The following SNX29 variants were observed in gnomAD, a reference collection of about 807,000 sequenced individuals.
SNX29 encodes sorting nexin-29.
SNX29 carries 78 observed loss-of-function variants against 102.1 expected under a neutral mutation model. The observed-to-expected ratio is 0.76, with a 90% CI of 0.64 to 0.92. SNX29 has a LOEUF of 0.92. SNX29 is among the 40% of genes least tolerant of loss of function. The pLI is 0.00. For missense variants in SNX29, 1,280 were observed against 1,061.7 expected (o/e 1.21, Z -2.86); for synonymous variants, 580 against 414.5 (o/e 1.40, Z -4.85).
chr16:12,542,627 C>G (rs2077393219), intron 20 of SNX29, among the ~76,000 whole-genome samples: 1 of 152,218 alleles, frequency 6.6e-6, no homozygotes, highest in South Asian at 2.1e-4. Context: ...CCACGGCACC[C>G]AGTGTGGGTC....
chr16:12,512,268 G>C (rs2089653666), intron 19 of SNX29, among the ~76,000 whole-genome samples: 1 of 150,114 alleles, frequency 6.7e-6, no homozygotes, highest in Admixed American at 6.7e-5. Flanking sequence ...GGTGCGGCTG[G>C]AGAGGCAGGT....
chr16:12,426,637 A>G (rs1366434309), intron 18 of SNX29, among the ~76,000 whole-genome samples: 1 of 152,222 alleles, frequency 6.6e-6, no homozygotes, highest in Non-Finnish European at 1.5e-5. Context: ...GGTGAATTTT[A>G]TGGTATGTGA....
In SNX29 at chr16:12,282,972, A is replaced by T. The variant is rs373639948; in HGVS notation, c.1782+4936A>T. 8.1e-4 allele frequency among the ~76,000 whole-genome samples: 124 copies of T among 152,296 alleles called. 4 individuals carry two copies. In the South Asian group the frequency reaches 0.025, roughly 31 times the overall value. Reference sequence around the variant, plus strand: ...GCACTCGGCCCACAGTTAAGTCTTAACTAGAGCTCAGAGCAACCTGGTAGA... The same window carrying T: ...GCACTCGGCCCACAGTTAAGTCTTATCTAGAGCTCAGAGCAACCTGGTAGA... On this transcript the variant is annotated intron_variant, in intron 15 of 20. Transcript: ENST00000566228.
intron 3 of SNX29, among the ~76,000 whole-genome samples, chr16:12,024,059 C>A (rs868428273): frequency 6.6e-6 from 1 of 151,902 alleles, no homozygotes; most frequent in Non-Finnish European, 1.5e-5. Context: ...GAGTGGCGAG[C>A]GCTGCAGTAC....
chr16:11,988,651 C>G (rs973210435), intron 1 of SNX29, among the ~76,000 whole-genome samples: 2 of 152,104 alleles, frequency 1.3e-5, no homozygotes, highest in East Asian at 3.9e-4. Flanking sequence ...TCCCTTGTCT[C>G]TACCTCCCAA....
chr16:12,074,543 C>T (rs1173802859), intron 10 of SNX29, among the ~76,000 whole-genome samples: 2 of 152,238 alleles, frequency 1.3e-5, no homozygotes, highest in African/African-American at 4.8e-5. Context: ...CACTGTTAGT[C>T]TGATGGGCTT....
chr16:12,549,102 C>T (rs897499778), intron 20 of SNX29, among the ~76,000 whole-genome samples: 2 of 152,184 alleles, frequency 1.3e-5, no homozygotes, highest in Non-Finnish European at 2.9e-5. Context: ...AGTGTCATTT[C>T]TTGGGGACAT....
At chr16:11,985,284 C>T (rs534970861) in intron 1 of SNX29, among the ~76,000 whole-genome samples, 1 of 152,236 alleles carries the variant, frequency 6.6e-6, no homozygotes, top group South Asian at 2.1e-4. Flanking sequence ...TATCACTTAT[C>T]AAAAGGTTGT....
intron 15 of SNX29, among the ~76,000 whole-genome samples, chr16:12,304,552 C>T (rs1488952568): frequency 3.3e-5 from 5 of 152,222 alleles, no homozygotes; most frequent in African/African-American, 1.2e-4. Context: ...CTGGCCAGGG[C>T]TGAGCATGTA....
intron 19 of SNX29, 49 bp downstream of exon 19, chr16:12,477,908 G>T: frequency 1.3e-6 from 2 of 1,527,818 alleles, no homozygotes; most frequent in Non-Finnish European, 8.8e-7. Context: ...GCGTTAAAAT[G>T]GATTATTTAT....
At chr16:12,034,628 G>A (rs1345189998) in intron 4 of SNX29, among the ~76,000 whole-genome samples, 1 of 152,132 alleles carries the variant, frequency 6.6e-6, no homozygotes, top group East Asian at 1.9e-4. Context: ...TTTACTAAGG[G>A]GTATGAATGT....
intron 20 of SNX29, among the ~76,000 whole-genome samples, chr16:12,553,051 G>A (rs1403027219): frequency 3.3e-5 from 5 of 152,346 alleles, no homozygotes; most frequent in South Asian, 4.1e-4. Flanking sequence ...ACTAATTGGA[G>A]ATGGTAACTG....
rs2082136234 is a variant in SNX29, at chr16:12,356,336, A to G, written c.1899+57A>G. Reference sequence around the variant, plus strand: ...AAGCCTCTGCTGCCCACAGCCCAGTAGAAAAGCACAGAGACTCACAGAGCA... The same window carrying G: ...AAGCCTCTGCTGCCCACAGCCCAGTGGAAAAGCACAGAGACTCACAGAGCA... On this transcript the variant is annotated intron_variant, in intron 16 of 20. Transcript: ENST00000566228. The G allele has an allele frequency of 1.5e-5, 22 of 1,467,338 alleles. No individual in the cohort carries two copies. The South Asian group carries it at 2.6e-4, about 17-fold the overall frequency. 90.9% of individuals were successfully genotyped at this position (1,467,338 alleles called of 1,614,324 possible).
chr16:12,448,850 C>G (rs1239951316), intron 18 of SNX29, among the ~76,000 whole-genome samples: 4 of 152,200 alleles, frequency 2.6e-5, no homozygotes, highest in African/African-American at 4.8e-5. Context: ...TTTCTTCTAA[C>G]TAAGCATCTT....
At chr16:12,149,289 G>T (rs1386641515) in intron 13 of SNX29, among the ~76,000 whole-genome samples, 1 of 152,168 alleles carries the variant, frequency 6.6e-6, no homozygotes, top group African/African-American at 2.4e-5. Flanking sequence ...AGAGGTTACC[G>T]CAAGTCACTC....
intron 13 of SNX29, among the ~76,000 whole-genome samples, chr16:12,188,275 T>C (rs566337614): frequency 1.1e-4 from 16 of 152,342 alleles, no homozygotes; most frequent in African/African-American, 3.8e-4. Flanking sequence ...GTAGATACTT[T>C]CATCATCCCA....
intron 19 of SNX29, among the ~76,000 whole-genome samples, chr16:12,492,728 C>G (rs1036027264): frequency 7.2e-5 from 11 of 152,252 alleles, no homozygotes; most frequent in Non-Finnish European, 7.4e-5. Flanking sequence ...GGAAGGGATC[C>G]AGTTTCAGCT....
At chr16:12,218,827 T>C (rs1158420044) in intron 14 of SNX29, among the ~76,000 whole-genome samples, 1 of 152,128 alleles carries the variant, frequency 6.6e-6, no homozygotes, top group Non-Finnish European at 1.5e-5. Context: ...CAGTCTGGAG[T>C]GCAGTGGCGC....
chr16:12,544,373 A>C (rs928296359), intron 20 of SNX29, among the ~76,000 whole-genome samples: 6 of 152,138 alleles, frequency 3.9e-5, no homozygotes, highest in Admixed American at 6.5e-5. Context: ...GATGCTGGGG[A>C]GTGGAAGGCG....
Sources: gnomAD v4.1 joint callset for allele counts (sites outside exome capture counted in the v4.1 genomes callset) on GRCh38, gnomAD v4.1.1 for gene constraint, MANE v1.5 for transcripts, NCBI Gene and HGNC (gene_info 2026-07-23, HGNC 2026-07-21) for gene names.